The following ZFP1 variants were observed in gnomAD, a reference collection of about 807,000 sequenced individuals.
The protein encoded by ZFP1 is ZFP1 zinc finger protein.
ZFP1 carries 32 observed loss-of-function variants against 38.5 expected under a neutral mutation model. The ratio of observed to expected loss-of-function variants is 0.83; its 90% CI spans 0.63 to 1.12. The LOEUF is 1.12. Among genes scored for constraint, ZFP1 ranks in the 50% most tolerant of loss-of-function variants. ZFP1 has a pLI of 0.00. For synonymous variants in ZFP1, 245 were observed against 168.8 expected (o/e 1.45, Z -3.50); for missense variants, 616 against 480.8 (o/e 1.28, Z -2.63).
chr16:75,149,328 G>T (rs919297293), intron 1 of ZFP1: 4 of 152,156 alleles, frequency 2.6e-5, no homozygotes, highest in Non-Finnish European at 5.9e-5. Flanking sequence ...ATTTTGCCAT[G>T]TATACGTTTT....
At chr16:75,154,294 A>G (rs1164220153) in intron 2 of ZFP1, among the ~76,000 whole-genome samples, 4 of 152,188 alleles carry the variant, frequency 2.6e-5, no homozygotes, top group African/African-American at 9.6e-5. Context: ...TTAGTACTGA[A>G]TATGTCATGA....
chr16:75,142,233 G>T, the ZFP1 span, among the ~76,000 whole-genome samples: 6 of 151,256 alleles, frequency 4.0e-5, no homozygotes, highest in Non-Finnish European at 8.8e-5. Context: ...TGGGCGTGGT[G>T]GTGCACACCT....
upstream of ZFP1, among the ~76,000 whole-genome samples, chr16:75,145,309 T>C (rs1159061451): frequency 2.0e-5 from 3 of 152,218 alleles, no homozygotes; most frequent in Non-Finnish European, 4.4e-5. Context: ...GGAATTCTTA[T>C]TCATTGTTGG....
the ZFP1 span, among the ~76,000 whole-genome samples, chr16:75,140,392 G>C: frequency 6.6e-6 from 1 of 152,024 alleles, no homozygotes; most frequent in Admixed American, 6.6e-5. Context: ...AACAGAGCGA[G>C]ATCTTGTCTC....
chr16:75,162,908 G>A (rs1476932053), intron 2 of ZFP1, among the ~76,000 whole-genome samples: 1 of 129,504 alleles, frequency 7.7e-6, no homozygotes, highest in East Asian at 2.3e-4. Flanking sequence ...GTATTAAAAT[G>A]TAATTTTTCT....
upstream of ZFP1, among the ~76,000 whole-genome samples, chr16:75,143,501 C>T (rs1276072746): frequency 6.6e-6 from 1 of 152,110 alleles, no homozygotes; most frequent in African/African-American, 2.4e-5. Flanking sequence ...CCGCCTTGGC[C>T]CCCCAAAGTG....
At chr16:75,137,835 G>C in the ZFP1 span, among the ~76,000 whole-genome samples, 18 of 151,940 alleles carry the variant, frequency 1.2e-4, no homozygotes, top group Non-Finnish European at 1.6e-4. Context: ...CCCAGGAGTT[G>C]CAGGGAGCTA....
chr16:75,162,251 T>A (rs1015895158), intron 2 of ZFP1, among the ~76,000 whole-genome samples: 7 of 151,910 alleles, frequency 4.6e-5, no homozygotes, highest in Admixed American at 3.3e-4. Context: ...GCCCCCTATG[T>A]AGCTGGGACT....
At chr16:75,153,732 ACTCT>A (rs1378547755) in intron 2 of ZFP1, among the ~76,000 whole-genome samples, 2 of 152,076 alleles carry the variant, frequency 1.3e-5, no homozygotes, top group Non-Finnish European at 2.9e-5. Flanking sequence ...AGTAGGGATC[ACTCT>A]CTGTGTACAT....
At chr16:75,138,449 T>G in the ZFP1 span, among the ~76,000 whole-genome samples, 1 of 152,184 alleles carries the variant, frequency 6.6e-6, no homozygotes, top group Admixed American at 6.6e-5. Context: ...TTCAGCAGGA[T>G]GATCAAGGTC....
intron 2 of ZFP1, among the ~76,000 whole-genome samples, chr16:75,161,310 C>CT (rs774361346): frequency 6.6e-6 from 1 of 151,878 alleles, no homozygotes; most frequent in Non-Finnish European, 1.5e-5. Flanking sequence ...TACAAGTGAT[C>CT]TCCCCGCCTC....
intron 2 of ZFP1, among the ~76,000 whole-genome samples, chr16:75,165,998 A>AT (rs1205323534): frequency 6.6e-6 from 1 of 152,226 alleles, no homozygotes; most frequent in Admixed American, 6.5e-5. Flanking sequence ...TCAACCATGT[A>AT]TTTTTTAAAA....
At chr16:75,122,413 G>C in the ZFP1 span, among the ~76,000 whole-genome samples, 1 of 152,222 alleles carries the variant, frequency 6.6e-6, no homozygotes, top group African/African-American at 2.4e-5. Context: ...GGTCAAAGCA[G>C]GTGACCAGGG....
chr16:75,120,534 T>G, the ZFP1 span, among the ~76,000 whole-genome samples: 7 of 152,168 alleles, frequency 4.6e-5, no homozygotes, highest in African/African-American at 1.4e-4. Context: ...TTTTGTTTTT[T>G]TTTTTGACTA....
upstream of ZFP1, among the ~76,000 whole-genome samples, chr16:75,146,550 T>C (rs548123485): frequency 4.8e-4 from 73 of 152,320 alleles, no homozygotes; most frequent in Admixed American, 4.3e-3. Flanking sequence ...GCTTTATTCA[T>C]AGTTGCCAAA....
chr16:75,123,514 C>CT, the ZFP1 span, among the ~76,000 whole-genome samples: 427 of 99,652 alleles, frequency 4.3e-3, 4 homozygotes, highest in African/African-American at 0.015. Flanking sequence ...GGAAAACATT[C>CT]TTTTTTTTTG....
the ZFP1 span, among the ~76,000 whole-genome samples, chr16:75,128,215 A>C: frequency 1.3e-5 from 2 of 152,226 alleles, no homozygotes; most frequent in Non-Finnish European, 2.9e-5. Context: ...TGTGGGGCCC[A>C]GGAGCCCCAC....
In ZFP1 at chr16:75,170,604, A is replaced by C; in HGVS notation, c.*270A>C. ...GCTTTTTAAAATCTTGAATGAATTGAGTATTCTAGACAGCAGCATAAGAAA... is the reference window on the plus strand; with the variant it reads ...GCTTTTTAAAATCTTGAATGAATTGCGTATTCTAGACAGCAGCATAAGAAA... On this transcript the variant is annotated 3_prime_UTR_variant, in exon 4 of 4. Coordinates refer to ENST00000570010, the MANE Select transcript of ZFP1 (RefSeq NM_153688.4). 2.8e-6 allele frequency: 1 copy of C among 356,704 alleles called. No homozygotes were observed. Among genetic ancestry groups the C allele is most frequent in the African/African-American group, 2.1e-5 (1 of 48,506 alleles). 22.1% of individuals were successfully genotyped at this position (356,704 alleles called of 1,614,324 possible).
chr16:75,137,630 AT>A, the ZFP1 span, among the ~76,000 whole-genome samples: 3 of 150,348 alleles, frequency 2.0e-5, no homozygotes, highest in Non-Finnish European at 4.4e-5. Flanking sequence ...CGCCCGGCTA[AT>A]TTTTTTTTGT....
Sources: allele counts gnomAD v4.1 joint callset (sites outside exome capture counted in the v4.1 genomes callset), GRCh38; gene constraint gnomAD v4.1.1; transcripts MANE v1.5; gene names NCBI Gene and HGNC (gene_info 2026-07-23, HGNC 2026-07-21).